SHQ1: variants seen among roughly 807,000 people sequenced by gnomAD.
The protein encoded by SHQ1 is SHQ1, H/ACA ribonucleoprotein assembly factor.
A neutral mutation model predicts 53.8 loss-of-function variants in SHQ1; 49 were observed. The ratio of observed to expected loss-of-function variants is 0.91; its 90% CI spans 0.72 to 1.16. SHQ1 has a LOEUF of 1.16. SHQ1 is among the 50% of genes most tolerant of loss of function. The probability of loss-of-function intolerance (pLI) is 0.00; values close to 1 mark genes in which losing one functional copy is unlikely to be tolerated. For missense variants in SHQ1, 738 were observed against 683.1 expected (o/e 1.08, Z -0.90); for synonymous variants, 243 against 251.0 (o/e 0.97, Z 0.30).
intron 9 of SHQ1, among the ~76,000 whole-genome samples, chr3:72,804,890 A>G (rs1047125887): frequency 6.6e-6 from 1 of 152,170 alleles, no homozygotes; most frequent in African/African-American, 2.4e-5. Context: ...TTACCTAAAT[A>G]TATACATAAT....
intron 4 of SHQ1, among the ~76,000 whole-genome samples, chr3:72,838,145 G>A (rs1442499694): frequency 1.3e-5 from 2 of 152,200 alleles, no homozygotes; most frequent in African/African-American, 4.8e-5. Context: ...ACTTCTACAG[G>A]AAATTTTTGA....
intron 4 of SHQ1, among the ~76,000 whole-genome samples, chr3:72,835,919 G>T (rs1029691368): frequency 2.0e-5 from 3 of 152,104 alleles, no homozygotes; most frequent in Non-Finnish European, 1.5e-5. Flanking sequence ...GTAACTATCT[G>T]TCATTATCCT....
chr3:72,803,757 A>G (rs1191583635), intron 9 of SHQ1, among the ~76,000 whole-genome samples: 1 of 152,238 alleles, frequency 6.6e-6, no homozygotes, highest in Non-Finnish European at 1.5e-5. Flanking sequence ...CTGTGTTTCA[A>G]TAAAACTTTA....
intron 4 of SHQ1, among the ~76,000 whole-genome samples, chr3:72,838,559 T>C (rs1055142411): frequency 2.6e-5 from 4 of 152,212 alleles, no homozygotes; most frequent in African/African-American, 9.7e-5. Context: ...TGGAGTGCAG[T>C]GGCGCAATCT....
intron 10 of SHQ1, among the ~76,000 whole-genome samples, chr3:72,787,127 T>C (rs1234500266): frequency 1.3e-5 from 2 of 152,262 alleles, no homozygotes; most frequent in East Asian, 3.8e-4. Context: ...GACAGATAAC[T>C]ATCTTGTGAT....
chr3:72,826,577 GT>G (rs1200528724), intron 5 of SHQ1, among the ~76,000 whole-genome samples: 1 of 152,198 alleles, frequency 6.6e-6, no homozygotes, highest in Admixed American at 6.5e-5. Context: ...CCATGGGAGA[GT>G]CAAGCAATTA....
chr3:72,750,481 T>C lies in SHQ1; in HGVS notation c.1537A>G (p.Thr513Ala), dbSNP rs764730435. The C allele has an allele frequency of 6.2e-7, 1 of 1,614,198 alleles. No individual in the cohort carries two copies. Among genetic ancestry groups the C allele is most frequent in the Non-Finnish European group, 8.5e-7 (1 of 1,180,034 alleles). ...CTGGCATCAGACTCCTGGATGGCTG[T>C]GTTTCTGCGTACTCCACCATCAACA... is the stretch of plus-strand genomic sequence containing the variant. Reference protein sequence around the residue: ...LIVDGGVRRNTAIQESDASQG... With the variant: ...LIVDGGVRRNAAIQESDASQG... The change falls in exon 11 of 11, where the codon ACA becomes GCA. Residue 513 changes from threonine to alanine, a missense_variant. By Grantham distance (58) the Thr-to-Ala change is moderately conservative. Transcript: ENST00000325599.
rs1559706627 is a variant in SHQ1, at chr3:72,848,385, GC to G, written c.-46del. Reference sequence around the variant, plus strand: ...GCCGGCGCCGCTCGCTCTCACTGCCGCCGCGTTCCCGCCACGCAAACTCTCC... The same window carrying G: ...GCCGGCGCCGCTCGCTCTCACTGCCGCGCGTTCCCGCCACGCAAACTCTCC... On this transcript the variant is annotated 5_prime_UTR_variant, in exon 1 of 11. Transcript: ENST00000325599. 7 of 1,606,358 alleles carry G rather than the reference GC, an allele frequency of 4.4e-6. No individual in the cohort carries two copies. The South Asian group carries it at 7.7e-5, about 18-fold the overall frequency.
At chr3:72,781,218 C>A (rs1209754722) in intron 10 of SHQ1, among the ~76,000 whole-genome samples, 1 of 151,964 alleles carries the variant, frequency 6.6e-6, no homozygotes, top group African/African-American at 2.4e-5. Flanking sequence ...TGCCACCATG[C>A]TAATTTTTGT....
chr3:72,810,647 T>C (rs923706341), intron 9 of SHQ1, among the ~76,000 whole-genome samples: 6 of 152,186 alleles, frequency 3.9e-5, no homozygotes, highest in African/African-American at 1.4e-4. Context: ...AAACACTAAA[T>C]GCCAAACCAG....
intron 9 of SHQ1, among the ~76,000 whole-genome samples, chr3:72,811,369 C>T (rs2106853889): frequency 6.6e-6 from 1 of 150,636 alleles, no homozygotes; most frequent in South Asian, 2.1e-4. Context: ...GAGGCTCACA[C>T]AGTCATTTAT....
At chr3:72,830,389 T>G (rs1284026899) in intron 5 of SHQ1, among the ~76,000 whole-genome samples, 1 of 152,072 alleles carries the variant, frequency 6.6e-6, no homozygotes, top group Non-Finnish European at 1.5e-5. Flanking sequence ...ATTATTATGC[T>G]AATATTATAT....
rs376919278 is a variant in SHQ1 at position 72,832,372 on chromosome 3, T to C, written c.596A>G (p.Tyr199Cys). ...AELAKFDPDHYLADFFEDEAI... is the reference protein window; with the variant it reads ...AELAKFDPDHCLADFFEDEAI... The stretch of plus-strand genomic sequence containing the variant: ...CCTCAAAAATCTCATTACTCACAGA[T>C]AATGATCAGGATCAAACTTGGCCAG... Residue 199 changes from tyrosine (Y) to cysteine (C), a missense_variant, in exon 5 of 11, where the codon TAT (tyrosine) becomes TGT (cysteine). Tyr to Cys is a radical substitution (Grantham distance 194). Transcript: ENST00000325599. 4 of 1,605,546 alleles carry C rather than the reference T, an allele frequency of 2.5e-6. No homozygotes were observed. Among genetic ancestry groups the C allele is most frequent in the South Asian group, 1.1e-5 (1 of 90,372 alleles).
intron 10 of SHQ1, among the ~76,000 whole-genome samples, chr3:72,786,458 C>A (rs1198295836): frequency 1.3e-5 from 2 of 152,192 alleles, no homozygotes; most frequent in African/African-American, 4.8e-5. Flanking sequence ...TGTACTATAA[C>A]CTATGCATCC....
intron 3 of SHQ1, among the ~76,000 whole-genome samples, chr3:72,842,056 T>C (rs1350959606): frequency 2.6e-5 from 4 of 152,178 alleles, no homozygotes; most frequent in African/African-American, 9.7e-5. Context: ...CCACAAAATG[T>C]TGTTTCAATT....
Position 72,749,837 on chromosome 3 carries a change from A to G in SHQ1, c.*447T>C, listed in dbSNP as rs1247231003. The stretch of plus-strand genomic sequence containing the variant: ...AAAAGGTATAAACATTCATTGGTTG[A>G]AAAACAATGTCATAAAGTTGTCCCC... On this transcript the variant is annotated 3_prime_UTR_variant, in exon 11 of 11. Coordinates refer to ENST00000325599, the MANE Select transcript of SHQ1 (RefSeq NM_018130.3). The G allele has an allele frequency of 1.3e-5, 3 of 224,296 alleles. No homozygotes were observed. Among genetic ancestry groups the G allele is most frequent in the Non-Finnish European group, 2.7e-5 (3 of 112,686 alleles). 13.9% of individuals were successfully genotyped at this position (224,296 alleles called of 1,614,324 possible).
At chr3:72,842,475 T>A in intron 2 of SHQ1, 73 bp from the exon 3 acceptor site, 1 of 1,394,538 alleles carries the variant, frequency 7.2e-7, no homozygotes, top group Non-Finnish European at 9.8e-7. Flanking sequence ...ACACCAGTAA[T>A]CCCAATACTC....
In SHQ1 at chr3:72,812,582, T is replaced by C. The variant is rs80290193; in HGVS notation, c.1060+89A>G. 1.0e-3 allele frequency: 1,498 copies of C among 1,495,108 alleles called. 17 individuals carry two copies. The African/African-American group carries it at 0.019, about 19-fold the overall frequency. The allele number at this position is 1,495,108 out of a possible 1,614,324, so 92.6% of individuals were successfully genotyped here. ...TTTTTCATTACTTATTTATATACAG[T>C]AAAAAAGCAAAAATCATTATTATAT... On this transcript the variant is annotated intron_variant, in intron 9 of 10. Transcript: ENST00000325599.
chr3:72,788,488 G>T (rs950138184), intron 10 of SHQ1, among the ~76,000 whole-genome samples: 19 of 150,938 alleles, frequency 1.3e-4, no homozygotes, highest in Admixed American at 7.9e-4. Flanking sequence ...CAGCCGCCGC[G>T]TCCGGGAGGT....
Sources: allele counts gnomAD v4.1 joint callset (sites outside exome capture counted in the v4.1 genomes callset), GRCh38; gene constraint gnomAD v4.1.1; transcripts MANE v1.5; gene names NCBI Gene and HGNC (gene_info 2026-07-23, HGNC 2026-07-21).